Variants in TDRD3 observed in about 807,000 individuals in gnomAD.
TDRD3 encodes tudor domain-containing protein 3.
A neutral mutation model predicts 86.7 loss-of-function variants in TDRD3; 45 were observed. The observed-to-expected ratio is 0.52, with a 90% CI of 0.41 to 0.67. The LOEUF (loss-of-function observed/expected upper bound fraction) is 0.67, where lower values mean the gene tolerates loss of function less well. Ranked by LOEUF, TDRD3 falls within the 30% of genes least tolerant of loss-of-function variation. TDRD3 has a pLI of 0.00. For missense variants in TDRD3, 814 were observed against 889.0 expected, an observed-to-expected ratio of 0.92 and a Z score of 1.07; for synonymous variants, 298 against 301.7, an observed-to-expected ratio of 0.99 and a Z score of 0.13.
At chr13:60,556,539 T>C (rs935813864) in intron 12 of TDRD3, among the ~76,000 whole-genome samples, 1 of 152,212 alleles carries the variant, frequency 6.6e-6, no homozygotes, top group Non-Finnish European at 1.5e-5. Context: ...TGGGAATAGA[T>C]TGTAAGCATT....
intron 3 of TDRD3, among the ~76,000 whole-genome samples, chr13:60,450,695 A>C (rs1661085990): frequency 6.6e-6 from 1 of 152,172 alleles, no homozygotes; most frequent in African/African-American, 2.4e-5. Context: ...GGATGTAGAG[A>C]TCAAGATAGC....
intron 3 of TDRD3, among the ~76,000 whole-genome samples, chr13:60,454,594 T>A (rs1295171705): frequency 6.6e-6 from 1 of 152,106 alleles, no homozygotes; most frequent in Non-Finnish European, 1.5e-5. Context: ...CTACTTGACT[T>A]ACAGTGAGTT....
At chr13:60,521,445 A>G (rs1176314147) in intron 10 of TDRD3, among the ~76,000 whole-genome samples, 2 of 151,036 alleles carry the variant, frequency 1.3e-5, no homozygotes, top group Admixed American at 1.3e-4. Flanking sequence ...ATGTAAAAAT[A>G]TTTAAAGCAG....
chr13:60,527,406 G>A (rs1295010817), intron 10 of TDRD3, among the ~76,000 whole-genome samples: 2 of 152,186 alleles, frequency 1.3e-5, no homozygotes, highest in Non-Finnish European at 2.9e-5. Context: ...CAAGATGTCA[G>A]TGGAGGCCCT....
intron 11 of TDRD3, among the ~76,000 whole-genome samples, chr13:60,532,560 A>T (rs1340003381): frequency 6.6e-6 from 1 of 152,212 alleles, no homozygotes. Flanking sequence ...TATCATTAAG[A>T]TACCATAATC....
At position 60,443,100 on chromosome 13, in the gene TDRD3, T is replaced by C. The variant is rs1955319124; in HGVS notation, c.127-1583T>C. Among the ~76,000 whole-genome samples, 2 of 151,998 alleles carry C rather than the reference T, an allele frequency of 1.3e-5. 1 individual carries two copies. Among genetic ancestry groups the C allele is most frequent in the South Asian group, 4.1e-4 (2 of 4,826 alleles). On this transcript the variant is annotated intron_variant, in intron 2 of 13. Transcript: ENST00000377881. ...ACATTATTGATATGATGGTTATGTA[T>C]GTTCAGATGATTAAAAAAAGTACAT... is the stretch of plus-strand genomic sequence containing the variant.
chr13:60,522,630 CTT>C (rs754471655), intron 10 of TDRD3, among the ~76,000 whole-genome samples: 7 of 152,168 alleles, frequency 4.6e-5, no homozygotes, highest in Non-Finnish European at 1.0e-4. Flanking sequence ...TGTAGTCTTT[CTT>C]TTGCTATTTC....
At chr13:60,418,030 A>G (rs903686217) in intron 1 of TDRD3, among the ~76,000 whole-genome samples, 1 of 152,206 alleles carries the variant, frequency 6.6e-6, no homozygotes, top group African/African-American at 2.4e-5. Flanking sequence ...TATAGGTGTT[A>G]GAATGAGTTA....
chr13:60,428,375 G>A (rs1348427553), intron 1 of TDRD3, among the ~76,000 whole-genome samples: 1 of 151,886 alleles, frequency 6.6e-6, no homozygotes, highest in Non-Finnish European at 1.5e-5. Flanking sequence ...ACTATGAAGA[G>A]GTATGGGGGA....
intron 8 of TDRD3, among the ~76,000 whole-genome samples, chr13:60,503,359 G>A (rs1336823584): frequency 1.3e-5 from 2 of 152,178 alleles, no homozygotes; most frequent in African/African-American, 2.4e-5. Flanking sequence ...CATTTCCAGG[G>A]TAGTTACAGT....
At chr13:60,471,015 C>G (rs904864150) in intron 5 of TDRD3, among the ~76,000 whole-genome samples, 1 of 152,044 alleles carries the variant, frequency 6.6e-6, no homozygotes, top group African/African-American at 2.4e-5. Context: ...TTAATCAGGT[C>G]AGCTGTTGTT....
At chr13:60,539,490 G>A (rs939485880) in intron 12 of TDRD3, among the ~76,000 whole-genome samples, 1 of 151,746 alleles carries the variant, frequency 6.6e-6, no homozygotes, top group Non-Finnish European at 1.5e-5. Context: ...ATAACTTAAA[G>A]AATTGTATCT....
intron 2 of TDRD3, among the ~76,000 whole-genome samples, chr13:60,442,110 G>GT (rs1231971826): frequency 1.3e-5 from 2 of 152,044 alleles, no homozygotes; most frequent in Non-Finnish European, 2.9e-5. Context: ...GAAAAGGAAT[G>GT]TTTTTAATTT....
intron 1 of TDRD3, among the ~76,000 whole-genome samples, chr13:60,407,806 A>G (rs1203736657): frequency 6.6e-6 from 1 of 152,138 alleles, no homozygotes; most frequent in East Asian, 1.9e-4. Flanking sequence ...ACAGCTTAGC[A>G]CTTCAGTGAT....
intron 12 of TDRD3, among the ~76,000 whole-genome samples, chr13:60,553,791 C>G (rs186109577): frequency 6.6e-6 from 1 of 152,106 alleles, no homozygotes; most frequent in Non-Finnish European, 1.5e-5. Flanking sequence ...CACCAGGTCC[C>G]TCCATTGACA....
At chr13:60,517,292 T>C (rs1957193260) in intron 10 of TDRD3, among the ~76,000 whole-genome samples, 2 of 152,190 alleles carry the variant, frequency 1.3e-5, no homozygotes, top group South Asian at 4.1e-4. Flanking sequence ...GGGAATGTAA[T>C]ATAATGGTAA....
At chr13:60,475,824 G>A (rs1370425449) in intron 5 of TDRD3, among the ~76,000 whole-genome samples, 3 of 151,950 alleles carry the variant, frequency 2.0e-5, no homozygotes, top group East Asian at 3.9e-4. Context: ...TATGTTTGTT[G>A]GCCATTTGTA....
intron 10 of TDRD3, among the ~76,000 whole-genome samples, chr13:60,514,240 A>T (rs753040242): frequency 6.6e-6 from 1 of 152,170 alleles, no homozygotes; most frequent in Non-Finnish European, 1.5e-5. Flanking sequence ...CTTGAGAGAG[A>T]TGATTTAGGG....
intron 12 of TDRD3, among the ~76,000 whole-genome samples, chr13:60,561,646 C>T (rs1298123779): frequency 6.6e-6 from 1 of 152,066 alleles, no homozygotes; most frequent in Non-Finnish European, 1.5e-5. Flanking sequence ...CTCCAGTTCC[C>T]CTGCAGTTCT....
Sources: gnomAD v4.1 joint callset for allele counts (sites outside exome capture counted in the v4.1 genomes callset) on GRCh38, gnomAD v4.1.1 for gene constraint, MANE v1.5 for transcripts, NCBI Gene and HGNC (gene_info 2026-07-23, HGNC 2026-07-21) for gene names.